The following MYL3 variants were observed in gnomAD, a reference collection of about 807,000 sequenced individuals.
MYL3 encodes myosin light chain 3.
MYL3 carries 11 observed loss-of-function variants against 21.3 expected under a neutral mutation model. The ratio of observed to expected loss-of-function variants is 0.52; its 90% CI spans 0.32 to 0.85. The LOEUF (loss-of-function observed/expected upper bound fraction) is 0.85. Among genes scored for constraint, MYL3 ranks in the 40% least tolerant of loss-of-function variants. MYL3 has a pLI of 0.03. For synonymous variants in MYL3, 88 were observed against 91.6 expected (o/e 0.96, Z 0.22); for missense variants, 206 against 253.3 (o/e 0.81, Z 1.27).
Position 46,863,206 on chromosome 3 carries a change from C to A in MYL3, c.129+56G>T. 10 of 1,611,720 alleles carry A rather than the reference C, an allele frequency of 6.2e-6. 1 individual carries two copies. In the South Asian group the frequency reaches 1.1e-4, roughly 18 times the overall value. ...TGACCTGCCTCTTGCTAGGTCCACT[C>A]TGGGATCCACTCACTTGCCCTGCTC... On this transcript the variant is annotated intron_variant, in intron 1 of 6. Coordinates refer to ENST00000292327, the MANE Select transcript of MYL3 (RefSeq NM_000258.3).
rs981859226 is a variant in MYL3, at chr3:46,874,248, G to T, written c.-217-7648C>A. ...GTGCAGCCTGCAGGATGGCCAGGCAGACACAACCCTGATTCCAGCCCTAGA... is the reference window on the plus strand; with the variant it reads ...GTGCAGCCTGCAGGATGGCCAGGCATACACAACCCTGATTCCAGCCCTAGA... On this transcript the variant is annotated intron_variant, in intron 1 of 3. Coordinates refer to the MYL3 transcript ENST00000431168. This position sits in a 1 kb window ranked among gnomAD's most constrained non-coding sequence, Gnocchi z 4.1. 2.6e-5 allele frequency among the ~76,000 whole-genome samples: 4 copies of T among 152,192 alleles called. No homozygotes were observed. The highest frequency in any genetic ancestry group is 7.2e-5 in the African/African-American group (3 of 41,442).
intron 1 of MYL3, among the ~76,000 whole-genome samples, chr3:46,878,992 G>A (rs2030395256): frequency 6.6e-6 from 1 of 152,218 alleles, no homozygotes; most frequent in African/African-American, 2.4e-5. Flanking sequence ...CCTGGGGCGT[G>A]CTTGTCAAAA....
chr3:46,878,307 C>T (rs1337335387), intron 1 of MYL3, among the ~76,000 whole-genome samples: 1 of 152,220 alleles, frequency 6.6e-6, no homozygotes, highest in South Asian at 2.1e-4. Flanking sequence ...CTAGCCATCC[C>T]CTCCCCTACT....
rs147584015 is a variant in MYL3, at chr3:46,863,310, A to G, written c.81T>C (p.Pro27=). 2.9e-4 allele frequency: 466 copies of G among 1,614,056 alleles called. 2 individuals carry two copies. The African/African-American group carries it at 5.5e-3, about 19-fold the overall frequency. Residue 27 remains proline (P), a synonymous_variant, in exon 1 of 7, where the codon CCT becomes CCC. Transcript: ENST00000292327. ...CGACCTCCTTAGGGCGCTCAGGCTC[A>G]GGGGGAGGTGCGGGAGCTGGAGCTG... ...PKAAPAPAPP[P]EPERPKEVEF...
upstream of MYL3, chr3:46,863,526 C>T: frequency 1.1e-6 from 1 of 936,582 alleles, no homozygotes. Context: ...ACAATAGGGA[C>T]AGGGCCATAA....
In MYL3 at chr3:46,858,227, C is replaced by T; in HGVS notation, c.*13+4G>A. ...AGCGGGTTCAGGAGGGAGTGGGTGC[C>T]TACCTGGGCACGAGGTTTAGCTGGA... is the stretch of plus-strand genomic sequence containing the variant. On this transcript the variant is annotated splice_donor_region_variant and intron_variant, in intron 6 of 6. Transcript: ENST00000292327. The T allele has an allele frequency of 6.2e-7, 1 of 1,614,134 alleles. No homozygotes were observed. The highest frequency in any genetic ancestry group is 8.5e-7 in the Non-Finnish European group (1 of 1,180,010).
intron 1 of MYL3, among the ~76,000 whole-genome samples, chr3:46,872,679 C>A (rs2029980689): frequency 6.6e-6 from 1 of 152,244 alleles, no homozygotes; most frequent in Admixed American, 6.5e-5. Flanking sequence ...GACAGCCAGG[C>A]TGGTCTGGGA....
At position 46,859,117 on chromosome 3, in the gene MYL3, C is replaced by T. The variant is rs1701962970; in HGVS notation, c.481+358G>A. ...GGCTCCACAGAGGTCAGGATCCCCC[C>T]AGGCGGCAGGCACTTGACCTGCTTG... On this transcript the variant is annotated intron_variant, in intron 4 of 6. Coordinates refer to ENST00000292327, the MANE Select transcript of MYL3 (RefSeq NM_000258.3). This position sits in a 1 kb window ranked among gnomAD's most constrained non-coding sequence, Gnocchi z 4.1. Among the ~76,000 whole-genome samples, 1 of 152,150 alleles carries T rather than the reference C, an allele frequency of 6.6e-6. No homozygotes were observed. The highest frequency in any genetic ancestry group is 1.5e-5 in the Non-Finnish European group (1 of 68,020).
upstream of MYL3, among the ~76,000 whole-genome samples, chr3:46,865,945 A>G (rs3762795): frequency 0.36 from 54,120 of 151,842 alleles, 15,272 homozygotes; most frequent in African/African-American, 0.78. This position sits in a 1 kb window ranked among gnomAD's most constrained non-coding sequence, Gnocchi z 4.3. Context: ...TGGCTTGGGA[A>G]CAACAGTGCC....
chr3:46,872,570 CG>C (rs2029978850), intron 1 of MYL3, among the ~76,000 whole-genome samples: 1 of 152,192 alleles, frequency 6.6e-6, no homozygotes, highest in Admixed American at 6.5e-5. Flanking sequence ...TGCCAGAAGC[CG>C]TCACCACCTC....
chr3:46,870,231 T>A (rs1702096100), intron 1 of MYL3, among the ~76,000 whole-genome samples: 1 of 151,712 alleles, frequency 6.6e-6, no homozygotes, highest in South Asian at 2.1e-4. Flanking sequence ...CTCTCACCCA[T>A]CCTCAAGCAG....
intron 1 of MYL3, among the ~76,000 whole-genome samples, chr3:46,869,377 C>T (rs927532852): frequency 3.9e-5 from 6 of 152,176 alleles, no homozygotes; most frequent in African/African-American, 9.7e-5. Flanking sequence ...TTCCATGAGC[C>T]GGCCTTGGAG....
At position 46,861,650 on chromosome 3, in the gene MYL3, G is replaced by A. The variant is rs1001732859; in HGVS notation, c.130-663C>T. Among the ~76,000 whole-genome samples the A allele has an allele frequency of 5.3e-5, 8 of 152,172 alleles. No homozygotes were observed. The highest frequency in any genetic ancestry group is 1.9e-4 in the African/African-American group (8 of 41,432). On this transcript the variant is annotated intron_variant, in intron 1 of 6. Transcript: ENST00000292327. The surrounding 1 kb of genome is among the most constrained non-coding windows in gnomAD (Gnocchi z 4.2). Reference sequence around the variant, plus strand: ...CACACCCCAGGACAGCACAGGGCCAGGGCAGTGCTGCTGAGTGTTTGCTGA... The same window carrying A: ...CACACCCCAGGACAGCACAGGGCCAAGGCAGTGCTGCTGAGTGTTTGCTGA...
chr3:46,879,087 G>C lies in MYL3; in HGVS notation c.-218+2987C>G, dbSNP rs997843415. Among the ~76,000 whole-genome samples, 1 of 152,182 alleles carries C rather than the reference G, an allele frequency of 6.6e-6. No homozygotes were observed. Among genetic ancestry groups the C allele is most frequent in the Non-Finnish European group, 1.5e-5 (1 of 68,038 alleles). The stretch of plus-strand genomic sequence containing the variant: ...CCTCATGGTAGCACTTTAACCAGAG[G>C]CCCGAGGGTGAGAGAGATGATCTGT... On this transcript the variant is annotated intron_variant, in intron 1 of 3. Coordinates refer to the MYL3 transcript ENST00000431168. This position sits in a 1 kb window ranked among gnomAD's most constrained non-coding sequence, Gnocchi z 4.7.
At chr3:46,875,535 T>C (rs1294127830) in intron 1 of MYL3, among the ~76,000 whole-genome samples, 1 of 152,238 alleles carries the variant, frequency 6.6e-6, no homozygotes, top group Non-Finnish European at 1.5e-5. Context: ...GACACCCTTC[T>C]GGGGCCTGAT....
upstream of MYL3, among the ~76,000 whole-genome samples, chr3:46,867,984 A>G (rs2106919978): frequency 6.6e-6 from 1 of 152,332 alleles, no homozygotes; most frequent in Admixed American, 6.5e-5. Flanking sequence ...AGGAGGCAAG[A>G]GCTGCCCAGC....
At chr3:46,866,600 C>T (rs991799429), upstream of MYL3, 1 of 152,266 alleles carries the variant, frequency 6.6e-6, no homozygotes, top group African/African-American at 2.4e-5. Flanking sequence ...TTTCCCAGGA[C>T]CTGGTACACC....
At chr3:46,866,551 C>T (rs1349365161), upstream of MYL3, 1 of 152,278 alleles carries the variant, frequency 6.6e-6, no homozygotes, top group Non-Finnish European at 1.5e-5. Flanking sequence ...TGTCAGCCAT[C>T]ACAGGAGGGA....
chr3:46,860,855 A>G lies in MYL3; in HGVS notation c.158-30T>C. 1 of 1,613,570 alleles carries G rather than the reference A, an allele frequency of 6.2e-7. No individual in the cohort carries two copies. The highest frequency in any genetic ancestry group is 8.5e-7 in the Non-Finnish European group (1 of 1,179,900). ...CAGGAGAGGGCAGTGAGCCACAGAC[A>G]CTCCCAGGGTCAGCCTACCCCACTC... On this transcript the variant is annotated intron_variant, in intron 2 of 6. Transcript: ENST00000292327. The surrounding 1 kb of genome is among the most constrained non-coding windows in gnomAD (Gnocchi z 4.6).
Sources: allele counts gnomAD v4.1 joint callset (sites outside exome capture counted in the v4.1 genomes callset), GRCh38; gene constraint gnomAD v4.1.1; non-coding constraint Gnocchi (gnomAD v3.1); transcripts MANE v1.5; gene names NCBI Gene and HGNC (gene_info 2026-07-23, HGNC 2026-07-21).